The following UPF1 variants were observed in gnomAD, a reference collection of about 807,000 sequenced individuals.
The protein encoded by UPF1 is UPF1 RNA helicase and ATPase, also known as regulator of nonsense transcripts 1.
A neutral mutation model predicts 129.2 loss-of-function variants in UPF1; 9 were observed. That is an observed-to-expected ratio of 0.07 (90% CI 0.04 to 0.12). UPF1 has a LOEUF of 0.12. UPF1 is among the 10% of genes least tolerant of loss of function. UPF1 has a pLI of 1.00. For synonymous variants in UPF1, 649 were observed against 644.9 expected (o/e 1.01, Z -0.10); for missense variants, 788 against 1,525.3 (o/e 0.52, Z 8.05).
intron 1 of UPF1, among the ~76,000 whole-genome samples, chr19:18,842,384 T>C (rs2055551100): frequency 6.6e-6 from 1 of 151,892 alleles, no homozygotes; most frequent in South Asian, 2.1e-4. Context: ...GAGAAAGCCC[T>C]CCCCTGGGGC....
chr19:18,855,723 C>G, intron 11 of UPF1: 1 of 693,284 alleles, frequency 1.4e-6, no homozygotes, highest in South Asian at 2.0e-5. Flanking sequence ...TGGCGTGCAC[C>G]TGTGGTCCCA....
At chr19:18,842,942 G>A (rs544544269) in intron 1 of UPF1, among the ~76,000 whole-genome samples, 2 of 151,810 alleles carry the variant, frequency 1.3e-5, no homozygotes, top group South Asian at 2.1e-4. Context: ...AGCCGAGATC[G>A]CGCCATTGCA....
chr19:18,851,065 C>T lies in UPF1; in HGVS notation c.810+197C>T, dbSNP rs1332170809. 5 of 542,476 alleles carry T rather than the reference C, an allele frequency of 9.2e-6. No homozygotes were observed. Among genetic ancestry groups the T allele is most frequent in the Admixed American group, 7.8e-5 (2 of 25,674 alleles). The allele number at this position is 542,476 out of a possible 1,614,324, so 33.6% of individuals were successfully genotyped here. On this transcript the variant is annotated intron_variant, in intron 5 of 23. Transcript: ENST00000262803. This position sits in a 1 kb window ranked among gnomAD's most constrained non-coding sequence, Gnocchi z 4.2. ...TTCCATCCAGGCAGCCTTACCTGAC[C>T]GAGAAGATCCTGGCCTTGGGGAAAG...
intron 17 of UPF1, 129 bp from the exon 18 acceptor site, chr19:18,861,881 C>T (rs2055784077): frequency 1.5e-5 from 19 of 1,238,948 alleles, no homozygotes; most frequent in Admixed American, 5.3e-5. Flanking sequence ...CCCCTAGGTG[C>T]GGTGAGCAGG....
At chr19:18,843,948 G>C (rs948939311) in intron 1 of UPF1, among the ~76,000 whole-genome samples, 5 of 152,002 alleles carry the variant, frequency 3.3e-5, no homozygotes, top group Admixed American at 1.3e-4. Context: ...GATCTTGGCT[G>C]TGTTGCCCAG....
In UPF1 at chr19:18,832,314, CACCGACTTT is replaced by C. The variant is rs1568265911; in HGVS notation, c.108_116del (p.Asp37_Thr39del). On this transcript the variant is annotated inframe_deletion, in exon 1 of 24. Coordinates refer to ENST00000262803, the MANE Select transcript of UPF1 (RefSeq NM_002911.4). This position sits in a 1 kb window ranked among gnomAD's most constrained non-coding sequence, Gnocchi z 5.6. Reference sequence around the variant, plus strand: ...ACACACAGGGCTCCGAGTTCGAGTTCACCGACTTTACTCTTCCTAGCCAGACGCAGACGC... The same window carrying C: ...ACACACAGGGCTCCGAGTTCGAGTTCACTCTTCCTAGCCAGACGCAGACGC... 6.5e-7 allele frequency: 1 copy of C among 1,529,214 alleles called. No individual in the cohort carries two copies. Among genetic ancestry groups the C allele is most frequent in the African/African-American group, 1.4e-5 (1 of 69,436 alleles). The allele number at this position is 1,529,214 out of a possible 1,614,324, so 94.7% of individuals were successfully genotyped here. A position where few individuals can be genotyped will look rare whatever the true frequency, so the allele number is the denominator to read the frequency against.
intron 1 of UPF1, among the ~76,000 whole-genome samples, chr19:18,842,982 C>T (rs1006961374): frequency 2.6e-5 from 4 of 151,076 alleles, no homozygotes; most frequent in African/African-American, 4.9e-5. Flanking sequence ...AGTGAAACTC[C>T]GTCTCAAAAA....
At position 18,854,917 on chromosome 19, in the gene UPF1, C is replaced by G; in HGVS notation, c.1304C>G (p.Thr435Ser). Reference protein sequence around the residue: ...SALKTFAVDETSVSGYIYHKL... With the variant: ...SALKTFAVDESSVSGYIYHKL... The stretch of plus-strand genomic sequence containing the variant: ...TTGAAAACGTTTGCCGTGGATGAGA[C>G]CTCGGTGTCTGGCTACATCTACCAC... Residue 435 changes from threonine to serine, a missense_variant, in exon 10 of 24, where the codon ACC becomes AGC. This residue lies in a region of UPF1 where 227 missense variants were observed against 517.9 expected (regional missense o/e 0.44). Coordinates refer to ENST00000262803, the MANE Select transcript of UPF1 (RefSeq NM_002911.4). The G allele has an allele frequency of 1.2e-6, 2 of 1,614,236 alleles. No individual in the cohort carries two copies. The highest frequency in any genetic ancestry group is 1.7e-6 in the Non-Finnish European group (2 of 1,180,046).
At chr19:18,844,939 G>A (rs753404927) in intron 1 of UPF1, among the ~76,000 whole-genome samples, 2 of 152,280 alleles carry the variant, frequency 1.3e-5, no homozygotes, top group African/African-American at 2.4e-5. Flanking sequence ...CTGCAGGGCA[G>A]CATTGGGCCC....
chr19:18,854,768 G>T, intron 9 of UPF1, 59 bp downstream of exon 9: 1 of 1,606,518 alleles, frequency 6.2e-7, no homozygotes, highest in Non-Finnish European at 8.5e-7. Context: ...GCATCTTTAT[G>T]AGCCCTCCCC....
Position 18,855,907 on chromosome 19 carries a change from G to T in UPF1, c.1545-18G>T, listed in dbSNP as rs973016190. 1 of 1,612,864 alleles carries T rather than the reference G, an allele frequency of 6.2e-7. No individual in the cohort carries two copies. Among genetic ancestry groups the T allele is most frequent in the Non-Finnish European group, 8.5e-7 (1 of 1,179,648 alleles). Reference sequence around the variant, plus strand: ...GCTTCCTCTGGGTAAGCACTGAGCTGCCCCAATGGTGTTGCAGGCCGGTGC... The same window carrying T: ...GCTTCCTCTGGGTAAGCACTGAGCTTCCCCAATGGTGTTGCAGGCCGGTGC... On this transcript the variant is annotated intron_variant, in intron 11 of 23. Coordinates refer to ENST00000262803, the MANE Select transcript of UPF1 (RefSeq NM_002911.4).
At chr19:18,860,469 A>G (rs758494616) in intron 16 of UPF1, 31 bp downstream of exon 16, 5 of 1,604,678 alleles carry the variant, frequency 3.1e-6, no homozygotes, top group African/African-American at 1.3e-5. Context: ...CGGCGTCTGC[A>G]GGTCTTGGGG....
intron 20 of UPF1, 83 bp downstream of exon 20, chr19:18,864,334 G>A: frequency 4.6e-6 from 6 of 1,311,008 alleles, no homozygotes; most frequent in Non-Finnish European, 5.4e-6. Context: ...AGCTTTAGGT[G>A]CCCCCATCTT....
intron 1 of UPF1, among the ~76,000 whole-genome samples, chr19:18,837,759 C>T (rs928575587): frequency 4.6e-5 from 7 of 152,206 alleles, no homozygotes; most frequent in Non-Finnish European, 1.0e-4. Context: ...CAGGTCTGCA[C>T]TGCCTGTTCC....
chr19:18,835,774 G>A (rs1034158756), intron 1 of UPF1, among the ~76,000 whole-genome samples: 6 of 152,214 alleles, frequency 3.9e-5, no homozygotes, highest in African/African-American at 9.6e-5. Context: ...TTTGTGAATA[G>A]CACTGCTGTG....
intron 1 of UPF1, among the ~76,000 whole-genome samples, chr19:18,841,434 G>A (rs1008576630): frequency 5.3e-5 from 8 of 152,184 alleles, no homozygotes; most frequent in African/African-American, 1.7e-4. Context: ...CACAAGCAGC[G>A]TCAACAATGG....
intron 1 of UPF1, among the ~76,000 whole-genome samples, chr19:18,837,056 A>G (rs951573211): frequency 2.6e-5 from 4 of 151,832 alleles, no homozygotes; most frequent in Admixed American, 2.0e-4. Context: ...CCAGCCTGCC[A>G]TACTTTTTTT....
intron 1 of UPF1, among the ~76,000 whole-genome samples, chr19:18,840,980 C>T (rs1204095031): frequency 6.6e-6 from 1 of 152,238 alleles, no homozygotes; most frequent in Non-Finnish European, 1.5e-5. Context: ...GAAGCATCAG[C>T]TCCTTGCAGA....
intron 1 of UPF1, among the ~76,000 whole-genome samples, chr19:18,836,995 G>C (rs1277065764): frequency 6.6e-6 from 1 of 151,824 alleles, no homozygotes; most frequent in African/African-American, 2.4e-5. Flanking sequence ...CTCGTGTTCC[G>C]CCCTCCTCTA....
Sources: allele counts gnomAD v4.1 joint callset (sites outside exome capture counted in the v4.1 genomes callset), GRCh38; gene constraint gnomAD v4.1.1; regional missense constraint gnomAD v4.1.1; non-coding constraint Gnocchi (gnomAD v3.1); transcripts MANE v1.5; gene names NCBI Gene and HGNC (gene_info 2026-07-23, HGNC 2026-07-21).